Variants in KAZN observed in about 807,000 individuals in gnomAD.
The protein encoded by KAZN is kazrin.
Under a neutral mutation model 87.4 loss-of-function variants are expected in KAZN, and 40 were observed. The ratio of observed to expected loss-of-function variants is 0.46; its 90% CI spans 0.36 to 0.60. The LOEUF is 0.60. Ranked by LOEUF, KAZN falls within the 20% of genes least tolerant of loss-of-function variation. The pLI, the probability that KAZN is intolerant of heterozygous loss-of-function variation, is 0.00. For missense variants in KAZN, 898 were observed against 1,073.9 expected (o/e 0.84, Z 2.29); for synonymous variants, 466 against 458.3 (o/e 1.02, Z -0.22).
rs1384007480 is a variant in KAZN, at chr1:13,983,187, G to A, written c.91+89431G>A. Among the ~76,000 whole-genome samples, 4 of 152,358 alleles carry A rather than the reference G, an allele frequency of 2.6e-5. No individual in the cohort carries two copies. The East Asian group carries it at 5.8e-4, about 22-fold the overall frequency. On this transcript the variant is annotated intron_variant, in intron 1 of 16. Coordinates refer to the KAZN transcript ENST00000636203. ...TGCACTCCTCAGCCCTTGGGTGGTC[G>A]ATGGGACTGGGTGCCGTGGAGCAAG... is the stretch of plus-strand genomic sequence containing the variant.
At chr1:14,276,036 AAC>A (rs1652317279) in intron 2 of KAZN, among the ~76,000 whole-genome samples, 1 of 152,126 alleles carries the variant, frequency 6.6e-6, no homozygotes, top group Non-Finnish European at 1.5e-5. Flanking sequence ...TAGATGCACA[AAC>A]ACAAGATGGG....
chr1:13,906,450 A>G (rs1415933592), intron 1 of KAZN, among the ~76,000 whole-genome samples: 3 of 152,118 alleles, frequency 2.0e-5, no homozygotes, highest in Non-Finnish European at 4.4e-5. Context: ...GTGTGAGGAA[A>G]TGATGCTTCT....
At chr1:14,339,370 A>C (rs1167495946) in intron 2 of KAZN, among the ~76,000 whole-genome samples, 2 of 152,172 alleles carry the variant, frequency 1.3e-5, no homozygotes, top group African/African-American at 4.8e-5. Context: ...ATAGGAGAGG[A>C]GAGAAAATCA....
At chr1:14,889,634 C>T (rs1478550502) in intron 1 of KAZN, among the ~76,000 whole-genome samples, 1 of 152,184 alleles carries the variant, frequency 6.6e-6, no homozygotes, top group Non-Finnish European at 1.5e-5. Context: ...CCCTTCCTTC[C>T]TTAATTCCTG....
chr1:14,117,469 G>A (rs535950596), intron 1 of KAZN, among the ~76,000 whole-genome samples: 16 of 152,274 alleles, frequency 1.1e-4, no homozygotes, highest in Middle Eastern at 3.4e-3. Flanking sequence ...ACACTGAAGT[G>A]TAAGTTCATT....
At chr1:14,420,744 A>G (rs1244558721) in intron 2 of KAZN, among the ~76,000 whole-genome samples, 1 of 152,060 alleles carries the variant, frequency 6.6e-6, no homozygotes, top group Non-Finnish European at 1.5e-5. Flanking sequence ...CTGTTGGCCC[A>G]GGTGCTAAGC....
chr1:14,445,128 C>G (rs933034143), intron 2 of KAZN, among the ~76,000 whole-genome samples: 1 of 151,884 alleles, frequency 6.6e-6, no homozygotes, highest in African/African-American at 2.4e-5. Flanking sequence ...CGGGTTCAAG[C>G]TATTCTTCTG....
chr1:14,341,675 G>C (rs1657737008), intron 2 of KAZN, among the ~76,000 whole-genome samples: 1 of 152,018 alleles, frequency 6.6e-6, no homozygotes, highest in Non-Finnish European at 1.5e-5. Flanking sequence ...ACCTCTGCAG[G>C]GAGGCCCTCC....
At chr1:14,282,366 A>T (rs1557613946) in intron 2 of KAZN, among the ~76,000 whole-genome samples, 1 of 152,172 alleles carries the variant, frequency 6.6e-6, no homozygotes, top group Non-Finnish European at 1.5e-5. Context: ...CCCTCCTCTT[A>T]CCTAGGTACA....
intron 1 of KAZN, among the ~76,000 whole-genome samples, chr1:13,931,062 G>C (rs563361833): frequency 1.3e-5 from 2 of 152,332 alleles, no homozygotes; most frequent in South Asian, 4.1e-4. Context: ...CAGGTTCCCA[G>C]TAAAATCTTG....
chr1:14,272,155 C>T (rs1231770562), intron 2 of KAZN, among the ~76,000 whole-genome samples: 1 of 152,172 alleles, frequency 6.6e-6, no homozygotes, highest in Admixed American at 6.5e-5. Context: ...CAAATTACCC[C>T]CAAACTCACA....
chr1:14,180,318 C>A (rs12063799), intron 1 of KAZN: 3 of 797,130 alleles, frequency 3.8e-6, no homozygotes, highest in Non-Finnish European at 5.9e-6. Flanking sequence ...GTTCTTGATA[C>A]ATGCCTGGCT....
chr1:14,210,262 C>A (rs1431635186), intron 2 of KAZN, among the ~76,000 whole-genome samples: 1 of 152,216 alleles, frequency 6.6e-6, no homozygotes, highest in Non-Finnish European at 1.5e-5. Flanking sequence ...AGTTCCCCTG[C>A]ACATGCTGTC....
intron 2 of KAZN, among the ~76,000 whole-genome samples, chr1:14,383,429 T>G (rs1382652875): frequency 6.6e-6 from 1 of 152,106 alleles, no homozygotes; most frequent in African/African-American, 2.4e-5. Context: ...GGTTTTCTTC[T>G]AGGGTTTTTA....
chr1:14,205,550 G>C (rs1325680421), intron 2 of KAZN, among the ~76,000 whole-genome samples: 6 of 152,022 alleles, frequency 3.9e-5, no homozygotes, highest in Non-Finnish European at 7.4e-5. Flanking sequence ...AGGATTTTCT[G>C]TATAGCCAGC....
intron 1 of KAZN, among the ~76,000 whole-genome samples, chr1:13,951,010 GC>G (rs1309596652): frequency 6.6e-6 from 1 of 152,184 alleles, no homozygotes; most frequent in Non-Finnish European, 1.5e-5. Flanking sequence ...AAATGACCCT[GC>G]CTGGAGTCCA....
chr1:13,954,826 T>G (rs925126338), intron 1 of KAZN, among the ~76,000 whole-genome samples: 2 of 152,192 alleles, frequency 1.3e-5, no homozygotes, highest in Non-Finnish European at 2.9e-5. Context: ...ACTTTTTTCT[T>G]TTTTTACTTT....
chr1:14,631,976 G>A (rs547616721), intron 1 of KAZN, among the ~76,000 whole-genome samples: 3 of 152,316 alleles, frequency 2.0e-5, no homozygotes, highest in Non-Finnish European at 4.4e-5. Flanking sequence ...GAAGTTTGGA[G>A]AAGACAAAAT....
chr1:13,983,781 T>C (rs1216978212), intron 1 of KAZN, among the ~76,000 whole-genome samples: 4 of 152,256 alleles, frequency 2.6e-5, no homozygotes, highest in African/African-American at 9.6e-5. Flanking sequence ...TGATTATCTC[T>C]CCATGCACTT....
Sources: gnomAD v4.1 joint callset for allele counts (sites outside exome capture counted in the v4.1 genomes callset) on GRCh38, gnomAD v4.1.1 for gene constraint, MANE v1.5 for transcripts, NCBI Gene and HGNC (gene_info 2026-07-23, HGNC 2026-07-21) for gene names.